Variants in COG6 observed in about 807,000 individuals in gnomAD.
The protein encoded by COG6 is component of oligomeric golgi complex 6.
A neutral mutation model predicts 88.8 loss-of-function variants in COG6; 74 were observed. The ratio of observed to expected loss-of-function variants is 0.83; its 90% CI spans 0.69 to 1.01. The LOEUF (loss-of-function observed/expected upper bound fraction) is 1.01, where lower values mean the gene tolerates loss of function less well. Among genes scored for constraint, COG6 ranks in the 50% least tolerant of loss-of-function variants. COG6 has a pLI of 0.00. For missense variants in COG6, 800 were observed against 797.9 expected (o/e 1.00, Z -0.03); for synonymous variants, 286 against 278.7 (o/e 1.03, Z -0.26).
rs1878717557 is a variant in COG6, at chr13:39,719,319, CG to C, written c.1369del (p.Asp457IlefsTer7). Reference protein sequence around the residue: ...MLLREVLASHDSSVVPLDARQ... With the variant: ...MLLREVLASHXSSVVPLDARQ... The stretch of plus-strand genomic sequence containing the variant: ...TGCTGCGTGAAGTTTTAGCATCTCA[CG>C]ATTCTTCAGTTGTACCATTAGATGC... On this transcript the variant is annotated frameshift_variant, in exon 14 of 19. Transcript: ENST00000455146. LOFTEE classifies it high-confidence loss of function. 1 of 1,612,454 alleles carries C rather than the reference CG, an allele frequency of 6.2e-7. No individual in the cohort carries two copies. Among genetic ancestry groups the C allele is most frequent in the Non-Finnish European group, 8.5e-7 (1 of 1,179,066 alleles).
intron 18 of COG6, among the ~76,000 whole-genome samples, chr13:39,785,668 A>G (rs1881751315): frequency 6.6e-6 from 1 of 152,204 alleles, no homozygotes. Flanking sequence ...CCTAACAGGT[A>G]TTTCTGCTAA....
At chr13:39,762,114 T>C (rs1182309617) in intron 18 of COG6, among the ~76,000 whole-genome samples, 3 of 151,902 alleles carry the variant, frequency 2.0e-5, no homozygotes, top group Admixed American at 2.0e-4. Context: ...GGAATCAACT[T>C]GTGTCCTTTA....
At chr13:39,696,696 C>T (rs1285483187) in intron 12 of COG6, among the ~76,000 whole-genome samples, 4 of 151,174 alleles carry the variant, frequency 2.6e-5, no homozygotes, top group Non-Finnish European at 5.9e-5. Flanking sequence ...GTGGATATTT[C>T]GATTTTATAC....
At position 39,655,845 on chromosome 13, in the gene COG6, A is replaced by G. The variant is rs148246113; in HGVS notation, c.119A>G (p.His40Arg). 42 of 1,606,770 alleles carry G rather than the reference A, an allele frequency of 2.6e-5. No homozygotes were observed. The highest frequency in any genetic ancestry group is 1.4e-4 in the South Asian group (13 of 90,118). ...TTCNPLSRKL[H>R]KILETRLDND... ...TGCAACCCGCTGTCGCGCAAGCTGC[A>G]TAAGATCCTGGAGACGCGGCTGGAC... Residue 40 changes from histidine (H) to arginine (R), a missense_variant, in exon 1 of 19, where the codon CAT becomes CGT. His to Arg is a conservative substitution (Grantham distance 29). Coordinates refer to ENST00000455146, the MANE Select transcript of COG6 (RefSeq NM_020751.3).
chr13:39,678,623 T>G (rs1266229693), intron 5 of COG6, among the ~76,000 whole-genome samples: 2 of 152,168 alleles, frequency 1.3e-5, no homozygotes, highest in Admixed American at 6.5e-5. Flanking sequence ...TCTTTTGGTC[T>G]TCTCGCTGGG....
intron 12 of COG6, among the ~76,000 whole-genome samples, chr13:39,697,369 A>C (rs1268889750): frequency 1.3e-5 from 2 of 151,808 alleles, no homozygotes; most frequent in African/African-American, 2.4e-5. Context: ...ATAGTGGTGA[A>C]GTTGGGGAAG....
intron 10 of COG6, among the ~76,000 whole-genome samples, chr13:39,688,822 G>A (rs1042109858): frequency 6.6e-6 from 1 of 152,136 alleles, no homozygotes; most frequent in Non-Finnish European, 1.5e-5. Context: ...TAGAGTTTGA[G>A]GGTTTAGTGT....
At chr13:39,665,048 TATAATAAAATTGG>T in intron 3 of COG6, 35 bp from the exon 4 acceptor site, 1 of 881,326 alleles carries the variant, frequency 1.1e-6, no homozygotes, top group Non-Finnish European at 1.9e-6. Context: ...TTTTCTGAAA[TATAATAAAATTGG>T]AATTTACTTA....
intron 18 of COG6, among the ~76,000 whole-genome samples, chr13:39,784,593 G>T (rs1881719836): frequency 6.6e-6 from 1 of 152,174 alleles, no homozygotes; most frequent in Non-Finnish European, 1.5e-5. Context: ...TACTGTAAAG[G>T]AGTGAATAAT....
chr13:39,727,416 G>GT lies in COG6; in HGVS notation c.1747-50dup, dbSNP rs1879189746. The GT allele has an allele frequency of 3.1e-6, 4 of 1,305,480 alleles. No individual in the cohort carries two copies. In the Admixed American group the frequency reaches 5.0e-5, roughly 16 times the overall value. 80.9% of individuals were successfully genotyped at this position (1,305,480 alleles called of 1,614,324 possible). ...TAAAAGAGATGTTTATATTTGAGTT[G>GT]TTTGTTAGCACATATATGTACTTTA... On this transcript the variant is annotated intron_variant, in intron 17 of 18. Transcript: ENST00000455146.
chr13:39,781,844 A>G (rs1204964965), intron 18 of COG6, among the ~76,000 whole-genome samples: 1 of 152,242 alleles, frequency 6.6e-6, no homozygotes, highest in Non-Finnish European at 1.5e-5. Flanking sequence ...ATTTTAACAA[A>G]TATTAGAAAT....
chr13:39,773,387 G>A (rs1456116130), intron 18 of COG6, among the ~76,000 whole-genome samples: 6 of 152,192 alleles, frequency 3.9e-5, no homozygotes, highest in Non-Finnish European at 8.8e-5. Flanking sequence ...TCCTGACAAA[G>A]AGAAAGATAA....
At position 39,719,209 on chromosome 13, in the gene COG6, G is replaced by C. The variant is rs368671378; in HGVS notation, c.1285-27G>C. On this transcript the variant is annotated intron_variant, in intron 13 of 18. Coordinates refer to ENST00000455146, the MANE Select transcript of COG6 (RefSeq NM_020751.3). Reference sequence around the variant, plus strand: ...TAAAATTTAGTGGAAAAAATATAAGGAGTGGGTAAATCATCTCTTGTTTTA... The same window carrying C: ...TAAAATTTAGTGGAAAAAATATAAGCAGTGGGTAAATCATCTCTTGTTTTA... 5 of 1,608,880 alleles carry C rather than the reference G, an allele frequency of 3.1e-6. No homozygotes were observed. In the South Asian group the frequency reaches 4.4e-5, roughly 14 times the overall value.
intron 13 of COG6, among the ~76,000 whole-genome samples, chr13:39,714,131 C>T (rs1312007059): frequency 1.3e-5 from 2 of 152,138 alleles, no homozygotes; most frequent in Non-Finnish European, 2.9e-5. Context: ...AAAAAAATTT[C>T]CTTTCAACTT....
At chr13:39,658,921 A>G (rs1034531519) in intron 1 of COG6, among the ~76,000 whole-genome samples, 1 of 152,244 alleles carries the variant, frequency 6.6e-6, no homozygotes, top group Non-Finnish European at 1.5e-5. Flanking sequence ...AACTAGGTAT[A>G]CACAAGTAAG....
intron 18 of COG6, among the ~76,000 whole-genome samples, chr13:39,747,227 G>T (rs1226078978): frequency 6.6e-6 from 1 of 152,168 alleles, no homozygotes; most frequent in Non-Finnish European, 1.5e-5. Context: ...AAAAGTGAGT[G>T]TAGGAACCTG....
At chr13:39,731,349 G>A (rs1879441828) in intron 18 of COG6, among the ~76,000 whole-genome samples, 1 of 152,110 alleles carries the variant, frequency 6.6e-6, no homozygotes. Context: ...TAGGAAACAA[G>A]GTGGTATAGG....
intron 18 of COG6, among the ~76,000 whole-genome samples, chr13:39,759,972 A>G (rs1304814722): frequency 6.6e-6 from 1 of 152,194 alleles, no homozygotes; most frequent in Non-Finnish European, 1.5e-5. Flanking sequence ...TTTAACAGTG[A>G]AAGTTTAAGC....
intron 18 of COG6, among the ~76,000 whole-genome samples, chr13:39,741,035 CTAAAGTACAGAT>C (rs1486088608): frequency 1.3e-5 from 2 of 152,072 alleles, no homozygotes; most frequent in Non-Finnish European, 2.9e-5. Flanking sequence ...AACCAAAATC[CTAAAGTACAGAT>C]TAATGACAAG....
Sources: gnomAD v4.1 joint callset for allele counts (sites outside exome capture counted in the v4.1 genomes callset) on GRCh38, gnomAD v4.1.1 for gene constraint, MANE v1.5 for transcripts, NCBI Gene and HGNC (gene_info 2026-07-23, HGNC 2026-07-21) for gene names.